Variants in EDIL3 observed in about 807,000 individuals in gnomAD.
The protein encoded by EDIL3 is EGF like and discoidin domains 3.
In EDIL3, 37 loss-of-function variants were observed where a neutral mutation model predicts 67.4. The observed-to-expected ratio is 0.55, with a 90% confidence interval of 0.42 to 0.72. EDIL3 has a LOEUF of 0.72. Among genes scored for constraint, EDIL3 ranks in the 30% least tolerant of loss-of-function variants. The pLI is 0.00. For missense variants in EDIL3, 527 were observed against 586.3 expected (o/e 0.90, Z 1.04); for synonymous variants, 195 against 196.3 (o/e 0.99, Z 0.05).
At chr5:84,041,299 C>T (rs1049676201) in intron 9 of EDIL3, among the ~76,000 whole-genome samples, 1 of 151,884 alleles carries the variant, frequency 6.6e-6, no homozygotes, top group Non-Finnish European at 1.5e-5. Flanking sequence ...CTAATAACAT[C>T]AGAATCTCTG....
At position 83,942,221 on chromosome 5, in the gene EDIL3, T is replaced by G. The variant is rs1250657770; in HGVS notation, c.*1198A>C. 6.6e-6 allele frequency: 1 copy of G among 152,018 alleles called. No homozygotes were observed. The highest frequency in any genetic ancestry group is 1.9e-4 in the East Asian group (1 of 5,172). The allele number at this position is 152,018 out of a possible 1,614,324, so 9.4% of individuals were successfully genotyped here. On this transcript the variant is annotated 3_prime_UTR_variant, in exon 11 of 11. Coordinates refer to ENST00000296591, the MANE Select transcript of EDIL3 (RefSeq NM_005711.5). ...GATAATTGCTTATTTTTTCAGGACCTTTGAAGCAAAATAAATAGAAATCAG... is the reference window on the plus strand; with the variant it reads ...GATAATTGCTTATTTTTTCAGGACCGTTGAAGCAAAATAAATAGAAATCAG...
At chr5:83,999,903 A>T (rs1745299476) in intron 9 of EDIL3, among the ~76,000 whole-genome samples, 1 of 152,188 alleles carries the variant, frequency 6.6e-6, no homozygotes, top group Non-Finnish European at 1.5e-5. Flanking sequence ...AGCAAGTGAA[A>T]AGAAACAACA....
chr5:84,126,404 A>G (rs1747209383), intron 5 of EDIL3, among the ~76,000 whole-genome samples: 1 of 152,066 alleles, frequency 6.6e-6, no homozygotes, highest in South Asian at 2.1e-4. Context: ...TCTCAGAATA[A>G]TGCCTTCAAA....
Position 84,060,243 on chromosome 5 carries a change from G to A in EDIL3, c.1137+57C>T, listed in dbSNP as rs190565228. On this transcript the variant is annotated intron_variant, in intron 9 of 10. Coordinates refer to ENST00000296591, the MANE Select transcript of EDIL3 (RefSeq NM_005711.5). Reference sequence around the variant, plus strand: ...GACTCTGACACTCACCTAATCAACAGGAAATCTTCTAAGAAAGAGGAACAG... The same window carrying A: ...GACTCTGACACTCACCTAATCAACAAGAAATCTTCTAAGAAAGAGGAACAG... The A allele has an allele frequency of 1.3e-4, 199 of 1,583,710 alleles. 1 individual carries two copies. In the East Asian group the frequency reaches 4.0e-3, roughly 32 times the overall value.
Position 84,263,622 on chromosome 5 carries a change from G to T in EDIL3, c.68-9410C>A, listed in dbSNP as rs1411849103. ...TTTTTGAAAAATGGTAATGGTAAAG[G>T]TTAAATGTTAGAATGCAGGTTACAA... On this transcript the variant is annotated intron_variant, in intron 1 of 10. Coordinates refer to ENST00000296591, the MANE Select transcript of EDIL3 (RefSeq NM_005711.5). 2.6e-5 allele frequency among the ~76,000 whole-genome samples: 4 copies of T among 152,108 alleles called. No homozygotes were observed. In the South Asian group the frequency reaches 6.2e-4, roughly 24 times the overall value.
chr5:84,139,105 C>T (rs959658179), intron 4 of EDIL3, among the ~76,000 whole-genome samples: 8 of 152,072 alleles, frequency 5.3e-5, no homozygotes, highest in East Asian at 1.9e-4. Context: ...GGTGTGGTGG[C>T]GTGTGCCTAT....
intron 9 of EDIL3, among the ~76,000 whole-genome samples, chr5:84,014,631 G>A (rs1273341426): frequency 6.6e-5 from 10 of 152,028 alleles, no homozygotes; most frequent in Non-Finnish European, 8.8e-5. Context: ...GAGACAGAGC[G>A]AGACTCCGTC....
chr5:84,151,908 C>CTT (rs201636890), intron 4 of EDIL3, among the ~76,000 whole-genome samples: 17 of 141,750 alleles, frequency 1.2e-4, no homozygotes, highest in African/African-American at 2.6e-4. Context: ...TTTGCTGCTT[C>CTT]TTTTTTTTTT....
intron 6 of EDIL3, among the ~76,000 whole-genome samples, chr5:84,075,873 C>G (rs981121606): frequency 4.5e-5 from 6 of 134,560 alleles, no homozygotes; most frequent in Admixed American, 8.2e-5. Flanking sequence ...AGTACAAACA[C>G]GTGCAAAAGT....
At chr5:83,992,740 T>G (rs1439835728) in intron 9 of EDIL3, among the ~76,000 whole-genome samples, 1 of 152,084 alleles carries the variant, frequency 6.6e-6, no homozygotes, top group East Asian at 1.9e-4. Flanking sequence ...ATGAAAGACA[T>G]TTTATGTAAA....
At chr5:84,140,449 G>A (rs1027516397) in intron 4 of EDIL3, among the ~76,000 whole-genome samples, 3 of 152,092 alleles carry the variant, frequency 2.0e-5, no homozygotes, top group Admixed American at 6.6e-5. Context: ...ATTAAAATAT[G>A]TGAGCGTAAA....
chr5:84,176,199 ATATATATATATAT>A (rs1561453752), intron 4 of EDIL3, among the ~76,000 whole-genome samples: 80 of 2,702 alleles, frequency 0.03, 1 homozygote, highest in African/African-American at 0.078. Flanking sequence ...TATATATATA[ATATATATATATAT>A]ATATATATAT....
chr5:84,177,049 T>A (rs1418491206), intron 4 of EDIL3, among the ~76,000 whole-genome samples: 1 of 152,096 alleles, frequency 6.6e-6, no homozygotes, highest in African/African-American at 2.4e-5. Flanking sequence ...CAAAACTGAA[T>A]GTACTTTTAC....
intron 1 of EDIL3, among the ~76,000 whole-genome samples, chr5:84,284,255 T>C (rs1012017683): frequency 3.3e-5 from 5 of 152,206 alleles, no homozygotes; most frequent in Non-Finnish European, 2.9e-5. Flanking sequence ...ATATGTTTAT[T>C]CTACTTTTAG....
intron 1 of EDIL3, among the ~76,000 whole-genome samples, chr5:84,363,168 GA>G (rs1215424891): frequency 6.6e-6 from 1 of 152,010 alleles, no homozygotes; most frequent in African/African-American, 2.4e-5. Flanking sequence ...TTTTGGGTTG[GA>G]ATCTTAGTTA....
At chr5:84,176,274 T>A (rs1748913485) in intron 4 of EDIL3, among the ~76,000 whole-genome samples, 1 of 142,066 alleles carries the variant, frequency 7.0e-6, no homozygotes, top group African/African-American at 2.7e-5. Context: ...ATATATTGTA[T>A]AAAATATATT....
intron 9 of EDIL3, among the ~76,000 whole-genome samples, chr5:84,000,603 A>C (rs1297041855): frequency 4.6e-5 from 7 of 152,090 alleles, no homozygotes; most frequent in Admixed American, 4.6e-4. Flanking sequence ...TACCACCAAC[A>C]AAAAGAAAAT....
At chr5:83,946,673 T>C (rs1244433512) in intron 10 of EDIL3, among the ~76,000 whole-genome samples, 12 of 151,872 alleles carry the variant, frequency 7.9e-5, no homozygotes, top group African/African-American at 2.9e-4. Flanking sequence ...CTACGGTCTA[T>C]TCAGGCCGGT....
At chr5:84,200,018 A>G (rs1743799012) in intron 3 of EDIL3, among the ~76,000 whole-genome samples, 1 of 152,118 alleles carries the variant, frequency 6.6e-6, no homozygotes, top group Non-Finnish European at 1.5e-5. Flanking sequence ...GTATTGGTAC[A>G]AGTCCCCCAG....
Sources: gnomAD v4.1 joint callset for allele counts (sites outside exome capture counted in the v4.1 genomes callset) on GRCh38, gnomAD v4.1.1 for gene constraint, MANE v1.5 for transcripts, NCBI Gene and HGNC (gene_info 2026-07-23, HGNC 2026-07-21) for gene names.